CRPPA: variants seen among roughly 807,000 people sequenced by gnomAD.
CRPPA encodes CDP-L-ribitol pyrophosphorylase A.
In CRPPA, 43 loss-of-function variants were observed where a neutral mutation model predicts 52.0. The observed-to-expected ratio is 0.83, with a 90% CI of 0.65 to 1.07. The LOEUF (loss-of-function observed/expected upper bound fraction) is 1.07. Ranked by LOEUF, CRPPA falls within the 50% of genes least tolerant of loss-of-function variation. The probability of loss-of-function intolerance (pLI) is 0.00; values close to 1 mark genes in which losing one functional copy is unlikely to be tolerated. For missense variants in CRPPA, 629 were observed against 551.7 expected, an observed-to-expected ratio of 1.14 and a Z score of -1.40; for synonymous variants, 250 against 203.5, an observed-to-expected ratio of 1.23 and a Z score of -1.94.
chr7:16,185,992 A>G (rs1583415449), intron 9 of CRPPA, among the ~76,000 whole-genome samples: 1 of 152,326 alleles, frequency 6.6e-6, no homozygotes, highest in East Asian at 1.9e-4. Context: ...AATAGACCAT[A>G]ATATAGTTTA....
Position 16,387,074 on chromosome 7 carries a change from T to C in CRPPA, c.535-10833A>G, listed in dbSNP as rs6965610. Among the ~76,000 whole-genome samples, 35 of 69,800 alleles carry C rather than the reference T, an allele frequency of 5.0e-4. 2 individuals are homozygous for C. Among genetic ancestry groups the C allele is most frequent in the African/African-American group, 2.1e-3 (28 of 13,444 alleles). 45.8% of individuals were successfully genotyped at this position (69,800 alleles called of 152,430 possible). On this transcript the variant is annotated intron_variant, in intron 2 of 9. Transcript: ENST00000407010. ...ATATATATATATATATATATATATA[T>C]ATATATATATATACACACATATATA...
intron 4 of CRPPA, among the ~76,000 whole-genome samples, chr7:16,301,857 C>T (rs1784794466): frequency 6.6e-6 from 1 of 152,124 alleles, no homozygotes. Flanking sequence ...GAGTTACATT[C>T]TTAGCTGAAA....
At chr7:16,306,116 T>G (rs1562621003) in intron 4 of CRPPA, among the ~76,000 whole-genome samples, 1 of 152,190 alleles carries the variant, frequency 6.6e-6, no homozygotes, top group Non-Finnish European at 1.5e-5. Context: ...TCTATTCTTG[T>G]ACAGATATTA....
chr7:16,251,542 G>A lies in CRPPA; in HGVS notation c.1119+6848C>T, dbSNP rs181838448. Among the ~76,000 whole-genome samples, 4 of 152,224 alleles carry A rather than the reference G, an allele frequency of 2.6e-5. No homozygotes were observed. In the East Asian group the frequency reaches 5.8e-4, roughly 22 times the overall value. On this transcript the variant is annotated intron_variant, in intron 8 of 9. Coordinates refer to ENST00000407010, the MANE Select transcript of CRPPA (RefSeq NM_001101426.4). ...AACAAACCATCTCTCAGACCACAAC[G>A]AAATCAAATTAGAACTCAGGATTAA...
intron 5 of CRPPA, among the ~76,000 whole-genome samples, chr7:16,299,587 G>A (rs1784748514): frequency 6.6e-6 from 1 of 152,158 alleles, no homozygotes; most frequent in Non-Finnish European, 1.5e-5. Flanking sequence ...TGTACCAGAA[G>A]CATCAGAATC....
Position 16,406,213 on chromosome 7 carries a change from TGTGGCGG to T in CRPPA, c.375_381del (p.Arg126GlyfsTer7). On this transcript the variant is annotated frameshift_variant, in exon 2 of 10. Coordinates refer to ENST00000407010, the MANE Select transcript of CRPPA (RefSeq NM_001101426.4). LOFTEE classifies it high-confidence loss of function. ...GCTTTTAGTCCATTGAAAATTGACCTGTGGCGGGTCACTCCAGCTTCGACCAGTGAGA... is the reference window on the plus strand; with the variant it reads ...GCTTTTAGTCCATTGAAAATTGACCTGTCACTCCAGCTTCGACCAGTGAGA... 2 of 1,614,038 alleles carry T rather than the reference TGTGGCGG, an allele frequency of 1.2e-6. No homozygotes were observed. Among genetic ancestry groups the T allele is most frequent in the Non-Finnish European group, 1.7e-6 (2 of 1,179,890 alleles).
At chr7:16,329,391 T>C (rs942754367) in intron 3 of CRPPA, among the ~76,000 whole-genome samples, 5 of 152,172 alleles carry the variant, frequency 3.3e-5, no homozygotes, top group Admixed American at 2.0e-4. Context: ...GTAAGTGAAG[T>C]GCATGGCCCT....
At chr7:16,242,725 G>A (rs1562580186) in intron 8 of CRPPA, among the ~76,000 whole-genome samples, 1 of 151,928 alleles carries the variant, frequency 6.6e-6, no homozygotes. Flanking sequence ...AAGACATAAG[G>A]GATCTAAACT....
chr7:16,132,962 G>T (rs1195249583), intron 9 of CRPPA, among the ~76,000 whole-genome samples: 1 of 122,964 alleles, frequency 8.1e-6, no homozygotes, highest in East Asian at 3.5e-4. Flanking sequence ...TTTGAGACTA[G>T]TCTGGGAAAC....
At chr7:16,136,274 G>T (rs1020541598) in intron 9 of CRPPA, among the ~76,000 whole-genome samples, 14 of 152,120 alleles carry the variant, frequency 9.2e-5, no homozygotes, top group Non-Finnish European at 1.8e-4. Flanking sequence ...GTATTTAAAT[G>T]TAGATCTGAA....
At chr7:16,373,484 C>A (rs978714050) in intron 3 of CRPPA, among the ~76,000 whole-genome samples, 3 of 152,030 alleles carry the variant, frequency 2.0e-5, no homozygotes, top group Non-Finnish European at 4.4e-5. Flanking sequence ...AGACAGATAC[C>A]ATCCCTGCCT....
At chr7:16,181,725 A>G (rs1652919136) in intron 9 of CRPPA, among the ~76,000 whole-genome samples, 2 of 152,044 alleles carry the variant, frequency 1.3e-5, no homozygotes, top group African/African-American at 4.8e-5. Context: ...ATATTTCACA[A>G]CATATGTGTA....
chr7:16,349,652 T>C (rs1583539433), intron 3 of CRPPA, among the ~76,000 whole-genome samples: 2 of 151,902 alleles, frequency 1.3e-5, no homozygotes, highest in East Asian at 3.9e-4. Flanking sequence ...AGCAGCAGAC[T>C]AGATCGAGCA....
chr7:16,162,814 G>C (rs1326637564), intron 9 of CRPPA, among the ~76,000 whole-genome samples: 1 of 152,066 alleles, frequency 6.6e-6, no homozygotes, highest in African/African-American at 2.4e-5. Context: ...GGGAGTCTAA[G>C]TCTCTTTGTA....
In CRPPA at chr7:16,133,063, G is replaced by T. The variant is rs186588716; in HGVS notation, c.1252-41264C>A. 1.7e-4 allele frequency among the ~76,000 whole-genome samples: 21 copies of T among 122,702 alleles called. 1 individual carries two copies. The highest frequency in any genetic ancestry group is 5.3e-4 in the African/African-American group (20 of 38,068). The allele number at this position is 122,702 out of a possible 152,430, so 80.5% of individuals were successfully genotyped here. A position where few individuals can be genotyped will look rare whatever the true frequency, so the allele number is the denominator to read the frequency against. On this transcript the variant is annotated intron_variant, in intron 9 of 9. Coordinates refer to ENST00000407010, the MANE Select transcript of CRPPA (RefSeq NM_001101426.4). ...TTCCAGCTACTTGGGATACTGAGGT[G>T]GGGGGATCACTTGAGCTTGGGATGT...
At chr7:16,222,977 T>A (rs1270710917) in intron 8 of CRPPA, among the ~76,000 whole-genome samples, 3 of 152,174 alleles carry the variant, frequency 2.0e-5, no homozygotes, top group Non-Finnish European at 2.9e-5. Flanking sequence ...TAACTATTTT[T>A]AAATACACAA....
intron 9 of CRPPA, among the ~76,000 whole-genome samples, chr7:16,136,642 G>C (rs1445545158): frequency 1.3e-5 from 2 of 152,086 alleles, no homozygotes; most frequent in African/African-American, 4.8e-5. Context: ...AGTTACTGTT[G>C]GGCACAAACA....
intron 3 of CRPPA, among the ~76,000 whole-genome samples, chr7:16,327,500 G>A (rs894675408): frequency 2.6e-5 from 4 of 151,160 alleles, no homozygotes; most frequent in Non-Finnish European, 5.9e-5. Context: ...GGCTGAGGCA[G>A]GAGAATGGCG....
chr7:16,326,891 C>T (rs1785405915), intron 3 of CRPPA, among the ~76,000 whole-genome samples: 1 of 151,574 alleles, frequency 6.6e-6, no homozygotes, highest in African/African-American at 2.4e-5. Flanking sequence ...AGCCTAAATA[C>T]TATCAAATCA....
Sources: gnomAD v4.1 joint callset for allele counts (sites outside exome capture counted in the v4.1 genomes callset) on GRCh38, gnomAD v4.1.1 for gene constraint, MANE v1.5 for transcripts, NCBI Gene and HGNC (gene_info 2026-07-23, HGNC 2026-07-21) for gene names.